The following SCFD2 variants were observed in gnomAD, a reference collection of about 807,000 sequenced individuals.
The protein encoded by SCFD2 is sec1 family domain containing 2, also known as sec1 family domain-containing protein 2.
In SCFD2, 54 loss-of-function variants were observed where a neutral mutation model predicts 58.9. That is an observed-to-expected ratio of 0.92 (90% CI 0.74 to 1.15). The LOEUF (loss-of-function observed/expected upper bound fraction) is 1.15. SCFD2 is among the 50% of genes most tolerant of loss of function. The pLI is 0.00. For synonymous variants in SCFD2, 321 were observed against 335.9 expected (o/e 0.96, Z 0.49); for missense variants, 805 against 836.6 (o/e 0.96, Z 0.47).
At chr4:53,128,400 A>T (rs894037737) in intron 5 of SCFD2, among the ~76,000 whole-genome samples, 8 of 152,158 alleles carry the variant, frequency 5.3e-5, no homozygotes, top group African/African-American at 1.9e-4. Flanking sequence ...TTAAATGTTC[A>T]TCTCTAAAAT....
At chr4:53,039,930 C>G (rs1158459169) in intron 5 of SCFD2, among the ~76,000 whole-genome samples, 5 of 152,144 alleles carry the variant, frequency 3.3e-5, no homozygotes, top group Non-Finnish European at 7.4e-5. Flanking sequence ...GAACCTTGTC[C>G]AGTTTTATCT....
At chr4:52,914,994 G>A (rs1719569438) in intron 6 of SCFD2, among the ~76,000 whole-genome samples, 1 of 152,146 alleles carries the variant, frequency 6.6e-6, no homozygotes, top group South Asian at 2.1e-4. Context: ...CTAAAATACT[G>A]TGTCAATGTC....
intron 6 of SCFD2, among the ~76,000 whole-genome samples, chr4:52,920,096 C>A (rs1719699015): frequency 6.6e-6 from 1 of 152,194 alleles, no homozygotes; most frequent in Non-Finnish European, 1.5e-5. Flanking sequence ...GTGGCTCTAA[C>A]CTTTCTTTAT....
intron 4 of SCFD2, among the ~76,000 whole-genome samples, chr4:53,210,390 T>C (rs1451730641): frequency 6.6e-6 from 1 of 152,062 alleles, no homozygotes; most frequent in Non-Finnish European, 1.5e-5. Context: ...GTCAAAATTA[T>C]TTTCATAATA....
intron 4 of SCFD2, among the ~76,000 whole-genome samples, chr4:53,230,836 T>G (rs1364099907): frequency 6.6e-6 from 1 of 152,128 alleles, no homozygotes; most frequent in Non-Finnish European, 1.5e-5. Flanking sequence ...ATTCAATACC[T>G]CAGATCTCTG....
At position 52,967,017 on chromosome 4, in the gene SCFD2, G is replaced by A. The variant is rs181084278; in HGVS notation, c.1562-46147C>T. Among the ~76,000 whole-genome samples the A allele has an allele frequency of 9.5e-4, 145 of 152,188 alleles. 1 individual carries two copies. The highest frequency in any genetic ancestry group is 3.0e-3 in the African/African-American group (123 of 41,502). ...TAACCACACTCTTCCTTCCCTCCAG[G>A]ACCTGGCAAACACCATCCATTTTAC... On this transcript the variant is annotated intron_variant, in intron 5 of 8. Transcript: ENST00000401642.
At chr4:53,346,913 CTATT>C (rs1043520354) in intron 2 of SCFD2, among the ~76,000 whole-genome samples, 2 of 152,136 alleles carry the variant, frequency 1.3e-5, no homozygotes, top group Admixed American at 6.6e-5. Flanking sequence ...AGCCCAATGT[CTATT>C]TATTTTTAAT....
intron 8 of SCFD2, among the ~76,000 whole-genome samples, chr4:52,881,175 G>A (rs1718600799): frequency 6.6e-6 from 1 of 152,224 alleles, no homozygotes; most frequent in African/African-American, 2.4e-5. Context: ...GCTAGCAGGT[G>A]GGCATGTGGT....
At chr4:53,106,827 C>T (rs528551222) in intron 5 of SCFD2, among the ~76,000 whole-genome samples, 2 of 152,184 alleles carry the variant, frequency 1.3e-5, no homozygotes, top group East Asian at 1.9e-4. Context: ...GGAGAACTTC[C>T]CCAACCTAGC....
chr4:52,956,718 A>G (rs1720721109), intron 5 of SCFD2: 1 of 158,396 alleles, frequency 6.3e-6, no homozygotes, highest in African/African-American at 2.4e-5. Context: ...GTGAAGCACT[A>G]TAAAAGACAG....
chr4:52,888,221 C>G (rs765030146), intron 7 of SCFD2, among the ~76,000 whole-genome samples: 5 of 152,048 alleles, frequency 3.3e-5, no homozygotes, highest in Non-Finnish European at 7.3e-5. Context: ...TTAAGTATTC[C>G]AAGTTATGTA....
chr4:53,328,914 G>A (rs2149128440), intron 2 of SCFD2, among the ~76,000 whole-genome samples: 1 of 151,722 alleles, frequency 6.6e-6, no homozygotes, highest in East Asian at 1.9e-4. Context: ...GAAGCAGGGC[G>A]AGGCATTGCC....
chr4:53,023,402 G>T (rs1722396487), intron 5 of SCFD2, among the ~76,000 whole-genome samples: 1 of 151,964 alleles, frequency 6.6e-6, no homozygotes, highest in East Asian at 1.9e-4. Context: ...TGTGAACCTG[G>T]CCCTAAAAAT....
At chr4:53,148,374 A>G (rs1474974459) in intron 4 of SCFD2, among the ~76,000 whole-genome samples, 2 of 152,294 alleles carry the variant, frequency 1.3e-5, no homozygotes, top group East Asian at 3.9e-4. Context: ...CTAAACTTAC[A>G]TTCTAAATCT....
intron 4 of SCFD2, among the ~76,000 whole-genome samples, chr4:53,152,934 C>T (rs933404246): frequency 3.9e-5 from 6 of 152,216 alleles, no homozygotes; most frequent in Admixed American, 2.6e-4. Context: ...CTATGTCTCA[C>T]ATCCTGGGCA....
chr4:53,203,719 G>A (rs1728322639), intron 4 of SCFD2, among the ~76,000 whole-genome samples: 1 of 152,026 alleles, frequency 6.6e-6, no homozygotes, highest in African/African-American at 2.4e-5. Flanking sequence ...TTATACTATA[G>A]AATCCTTGAA....
At chr4:52,877,706 C>T (rs1244401757) in intron 8 of SCFD2, among the ~76,000 whole-genome samples, 1 of 152,240 alleles carries the variant, frequency 6.6e-6, no homozygotes, top group Non-Finnish European at 1.5e-5. Context: ...CGGCTGCATC[C>T]TTCCACCCAG....
chr4:53,096,498 T>C (rs1486722433), intron 5 of SCFD2, among the ~76,000 whole-genome samples: 1 of 152,334 alleles, frequency 6.6e-6, no homozygotes. Context: ...ATGTGTCTGT[T>C]GGCTGCATAA....
chr4:53,173,868 C>A (rs1727250447), intron 4 of SCFD2, among the ~76,000 whole-genome samples: 1 of 152,086 alleles, frequency 6.6e-6, no homozygotes, highest in African/African-American at 2.4e-5. Flanking sequence ...ACGCTCATAC[C>A]ATATAGACAT....
Sources: gnomAD v4.1 joint callset for allele counts (sites outside exome capture counted in the v4.1 genomes callset) on GRCh38, gnomAD v4.1.1 for gene constraint, MANE v1.5 for transcripts, NCBI Gene and HGNC (gene_info 2026-07-23, HGNC 2026-07-21) for gene names.